The following TCEANC variants were observed in gnomAD, a reference collection of about 807,000 sequenced individuals.
The protein encoded by TCEANC is transcription elongation factor A N-terminal and central domain containing.
Under a neutral mutation model 8.7 loss-of-function variants are expected in TCEANC, and 8 were observed. The observed-to-expected ratio is 0.92, with a 90% CI of 0.54 to 1.65. The LOEUF (loss-of-function observed/expected upper bound fraction) is 1.65. Among genes scored for constraint, TCEANC ranks in the 40% most tolerant of loss-of-function variants. The probability of loss-of-function intolerance (pLI) is 0.00; values close to 1 mark genes in which losing one functional copy is unlikely to be tolerated. For synonymous variants in TCEANC, 78 were observed against 92.9 expected, an observed-to-expected ratio of 0.84 and a Z score of 0.92; for missense variants, 255 against 251.9, an observed-to-expected ratio of 1.01 and a Z score of -0.08.
exon 2 of TCEANC, chrX:13,663,548 A>G: frequency 4.3e-6 from 5 of 1,150,022 alleles, no homozygotes; most frequent in Non-Finnish European, 5.8e-6. Context: ...TACCATAGCA[A>G]GTGGGTGTGC....
chrX:13,658,031 A>G (rs970956586), intron 1 of TCEANC, among the ~76,000 whole-genome samples: 3 of 112,413 alleles, frequency 2.7e-5, no homozygotes, highest in African/African-American at 9.7e-5. Flanking sequence ...TATGCTGAAT[A>G]GAAGAAGCCA....
At chrX:13,654,849 G>T (rs2045911899), upstream of TCEANC, among the ~76,000 whole-genome samples, 1 of 104,764 alleles carries the variant, frequency 9.5e-6, no homozygotes, top group African/African-American at 3.5e-5. Context: ...TTGTTTGTTT[G>T]TTTGTTTTGT....
exon 2 of TCEANC, chrX:13,663,584 T>C: frequency 2.8e-6 from 3 of 1,087,263 alleles, no homozygotes; most frequent in Non-Finnish European, 3.6e-6. Context: ...AGTGTTCTCT[T>C]AACAGATAAC....
intron 1 of TCEANC, among the ~76,000 whole-genome samples, chrX:13,658,801 C>A (rs2045943915): frequency 8.9e-6 from 1 of 111,887 alleles, no homozygotes; most frequent in African/African-American, 3.3e-5. Flanking sequence ...AACCAAGAGT[C>A]TGAGTCCTAC....
At position 13,659,287 on chromosome X, in the gene TCEANC, T is replaced by G. The variant is rs749360681; in HGVS notation, c.-8-3214T>G. Among the ~76,000 whole-genome samples the G allele has an allele frequency of 3.6e-5, 4 of 112,348 alleles. No individual in the cohort carries two copies. The Admixed American group carries it at 3.8e-4, about 11-fold the overall frequency. ...AATCAGGATGGAGGTTTGCTAGGCA[T>G]TGAGAAAGATGGTGAATAAGAGATG... is the stretch of plus-strand genomic sequence containing the variant. On this transcript the variant is annotated intron_variant, in intron 1 of 1. Transcript: ENST00000380600.
chrX:13,663,613 T>G, exon 2 of TCEANC: 1 of 1,017,166 alleles, frequency 9.8e-7, no homozygotes, highest in Non-Finnish European at 1.3e-6. Flanking sequence ...TACCTTTTAT[T>G]TGTACAACCC....
At chrX:13,661,427 GT>G (rs1203566928) in intron 1 of TCEANC, among the ~76,000 whole-genome samples, 1 of 112,029 alleles carries the variant, frequency 8.9e-6, no homozygotes, top group Non-Finnish European at 1.9e-5. Flanking sequence ...AGGTCATTAT[GT>G]TTTATGTCAC....
At chrX:13,662,795 G>A (rs2045977846) in exon 2 of TCEANC, 1 of 1,209,681 alleles carries the variant, frequency 8.3e-7, no homozygotes, top group Admixed American at 2.2e-5. Context: ...TTTCCTGTGA[G>A]GGGTAATAAA....
At chrX:13,663,489 T>A in exon 2 of TCEANC, 1 of 1,175,735 alleles carries the variant, frequency 8.5e-7, no homozygotes, top group South Asian at 1.9e-5. Context: ...CAAACCCAGA[T>A]GAACAAATGA....
intron 1 of TCEANC, among the ~76,000 whole-genome samples, chrX:13,662,095 C>G (rs149753632): frequency 0.012 from 1,358 of 112,084 alleles, 19 homozygotes; most frequent in African/African-American, 0.04. Context: ...TTGTCTAGCA[C>G]TGTTCAGCAT....
chrX:13,657,447 T>C (rs1207150760), intron 1 of TCEANC, among the ~76,000 whole-genome samples: 1 of 112,273 alleles, frequency 8.9e-6, no homozygotes, highest in Non-Finnish European at 1.9e-5. Context: ...TGCAAAACTA[T>C]ATGAAAGATT....
At chrX:13,653,524 T>C (rs190416305), upstream of TCEANC, among the ~76,000 whole-genome samples, 3 of 111,805 alleles carry the variant, frequency 2.7e-5, no homozygotes, top group Non-Finnish European at 5.7e-5. Flanking sequence ...GCTGCACCTT[T>C]ACTAGGGGTC....
At chrX:13,663,152 A>G (rs989465063) in exon 2 of TCEANC, 2 of 1,205,732 alleles carry the variant, frequency 1.7e-6, no homozygotes, top group African/African-American at 3.5e-5. Flanking sequence ...CTTTATTCAA[A>G]GAACATCAAA....
exon 2 of TCEANC, chrX:13,663,049 C>G: frequency 8.3e-7 from 1 of 1,211,403 alleles, no homozygotes; most frequent in Non-Finnish European, 1.1e-6. Flanking sequence ...CATAGAGCTT[C>G]TTTACGCAGC....
upstream of TCEANC, among the ~76,000 whole-genome samples, chrX:13,654,100 A>G (rs1237218378): frequency 8.9e-6 from 1 of 112,886 alleles, no homozygotes; most frequent in African/African-American, 3.2e-5. Flanking sequence ...GAGAATTAGC[A>G]TGAAAAAGAA....
At chrX:13,657,100 A>G (rs1233441621) in intron 1 of TCEANC, among the ~76,000 whole-genome samples, 1 of 112,371 alleles carries the variant, frequency 8.9e-6, no homozygotes, top group African/African-American at 3.2e-5. Context: ...AATAATCACC[A>G]CCGAACATAC....
At chrX:13,659,065 TA>T (rs943553506) in intron 1 of TCEANC, among the ~76,000 whole-genome samples, 2 of 111,598 alleles carry the variant, frequency 1.8e-5, no homozygotes, top group African/African-American at 6.5e-5. Context: ...CACAGAAAAA[TA>T]AAAAATATTC....
chrX:13,661,632 C>T (rs2045966957), intron 1 of TCEANC, among the ~76,000 whole-genome samples: 1 of 111,687 alleles, frequency 9.0e-6, no homozygotes, highest in African/African-American at 3.3e-5. Context: ...AAATATAGAT[C>T]CAAGGGTATT....
chrX:13,658,646 G>A (rs983826945), intron 1 of TCEANC, among the ~76,000 whole-genome samples: 2 of 110,537 alleles, frequency 1.8e-5, no homozygotes, highest in Non-Finnish European at 3.8e-5. Flanking sequence ...TGTGAATATC[G>A]TCTCTTAAGA....
Sources: allele counts gnomAD v4.1 joint callset (sites outside exome capture counted in the v4.1 genomes callset), GRCh38; gene constraint gnomAD v4.1.1; transcripts MANE v1.5; gene names NCBI Gene and HGNC (gene_info 2026-07-23, HGNC 2026-07-21).